EXOC4: variants seen among roughly 807,000 people sequenced by gnomAD.
EXOC4 encodes the protein SEC8-like 1.
In EXOC4, 71 loss-of-function variants were observed where a neutral mutation model predicts 107.2. The observed-to-expected ratio is 0.66, with a 90% CI of 0.55 to 0.81. The LOEUF (loss-of-function observed/expected upper bound fraction) is 0.81. Ranked by LOEUF, EXOC4 falls within the 30% of genes least tolerant of loss-of-function variation. The pLI, the probability that EXOC4 is intolerant of heterozygous loss-of-function variation, is 0.00. For synonymous variants in EXOC4, 456 were observed against 441.2 expected (o/e 1.03, Z -0.42); for missense variants, 1,108 against 1,189.6 (o/e 0.93, Z 1.01).
chr7:133,826,649 A>C (rs1287851581), intron 11 of EXOC4, among the ~76,000 whole-genome samples: 1 of 152,160 alleles, frequency 6.6e-6, no homozygotes, highest in African/African-American at 2.4e-5. Flanking sequence ...TCCATTCAGA[A>C]AAAAAATCCA....
chr7:133,493,204 C>T (rs1009426172), intron 9 of EXOC4, among the ~76,000 whole-genome samples: 2 of 152,156 alleles, frequency 1.3e-5, no homozygotes, highest in African/African-American at 4.8e-5. Context: ...GTGGGTGGAT[C>T]ACCTGAGGTC....
At chr7:133,966,802 T>C (rs2971981) in intron 14 of EXOC4, among the ~76,000 whole-genome samples, 108,773 of 152,038 alleles carry the variant, frequency 0.72, 39,395 homozygotes, top group East Asian at 0.91. Flanking sequence ...GTTGTTATGT[T>C]TCTGTCAGGT....
At chr7:133,514,441 C>A (rs1405522313) in intron 9 of EXOC4, among the ~76,000 whole-genome samples, 1 of 152,084 alleles carries the variant, frequency 6.6e-6, no homozygotes, top group Non-Finnish European at 1.5e-5. Context: ...GGATTACAGG[C>A]GTGAGCCACT....
At chr7:134,018,364 C>G (rs1244047286) in intron 17 of EXOC4, among the ~76,000 whole-genome samples, 1 of 152,172 alleles carries the variant, frequency 6.6e-6, no homozygotes, top group African/African-American at 2.4e-5. Context: ...CCCCTGTAAA[C>G]CACATCATGC....
chr7:133,258,616 A>C (rs1795071388), intron 1 of EXOC4, among the ~76,000 whole-genome samples: 1 of 152,204 alleles, frequency 6.6e-6, no homozygotes, highest in South Asian at 2.1e-4. Context: ...CCTCCTTTCT[A>C]GGATCTGTAG....
At chr7:133,841,728 G>T (rs1798028042) in intron 11 of EXOC4, among the ~76,000 whole-genome samples, 1 of 152,148 alleles carries the variant, frequency 6.6e-6, no homozygotes, top group African/African-American at 2.4e-5. Context: ...ATTGCATGTT[G>T]CAGGGGTTTG....
At chr7:133,569,824 C>G (rs1467764896) in intron 9 of EXOC4, among the ~76,000 whole-genome samples, 1 of 152,130 alleles carries the variant, frequency 6.6e-6, no homozygotes, top group Non-Finnish European at 1.5e-5. Context: ...AGGCTGCTTC[C>G]AGTGAATGTG....
At chr7:133,664,324 G>C (rs1205774013) in intron 10 of EXOC4, among the ~76,000 whole-genome samples, 1 of 152,118 alleles carries the variant, frequency 6.6e-6, no homozygotes, top group East Asian at 1.9e-4. Context: ...CACTTAGAAT[G>C]GTTCCTGACA....
At chr7:133,566,349 A>G (rs1010337633) in intron 9 of EXOC4, among the ~76,000 whole-genome samples, 1 of 152,150 alleles carries the variant, frequency 6.6e-6, no homozygotes, top group African/African-American at 2.4e-5. Flanking sequence ...GTTATTTCTC[A>G]TTTGTGTAGT....
At chr7:133,454,126 T>A (rs1452762811) in intron 7 of EXOC4, among the ~76,000 whole-genome samples, 1 of 152,200 alleles carries the variant, frequency 6.6e-6, no homozygotes, top group Non-Finnish European at 1.5e-5. Context: ...TATTACAGTT[T>A]CACCCCTACT....
chr7:133,669,664 G>T (rs1429726796), intron 10 of EXOC4, among the ~76,000 whole-genome samples: 6 of 152,194 alleles, frequency 3.9e-5, no homozygotes, highest in African/African-American at 1.4e-4. Flanking sequence ...TTAAAAGATA[G>T]AAATTTATAG....
At chr7:133,787,245 C>A (rs2151180008) in intron 10 of EXOC4, among the ~76,000 whole-genome samples, 1 of 142,934 alleles carries the variant, frequency 7.0e-6, no homozygotes, top group South Asian at 2.2e-4. Context: ...TAGCTCACTG[C>A]AGCCTCTAAC....
At chr7:133,989,247 G>T (rs1451809524) in intron 14 of EXOC4, among the ~76,000 whole-genome samples, 1 of 152,188 alleles carries the variant, frequency 6.6e-6, no homozygotes, top group Non-Finnish European at 1.5e-5. Flanking sequence ...ATTCAGGATA[G>T]AGAACAGATG....
rs572486508 is a variant in EXOC4 at position 133,865,682 on chromosome 7, C to T, written c.1735-29917C>T. Among the ~76,000 whole-genome samples, 361 of 152,188 alleles carry T rather than the reference C, an allele frequency of 2.4e-3. 3 individuals are homozygous for T. The highest frequency in any genetic ancestry group is 8.3e-3 in the African/African-American group (344 of 41,512). ...GGAAACTTACAACCATGACAGAAGGCGAAGGGGAAGCAGGCACATCTTACC... is the reference window on the plus strand; with the variant it reads ...GGAAACTTACAACCATGACAGAAGGTGAAGGGGAAGCAGGCACATCTTACC... On this transcript the variant is annotated intron_variant, in intron 11 of 17. Transcript: ENST00000253861.
chr7:133,613,168 A>G (rs1401941674), intron 9 of EXOC4, among the ~76,000 whole-genome samples: 1 of 152,142 alleles, frequency 6.6e-6, no homozygotes, highest in Non-Finnish European at 1.5e-5. Context: ...TAGAAAATAT[A>G]TGACTCTATT....
chr7:133,737,628 T>G (rs1055386350), intron 10 of EXOC4, among the ~76,000 whole-genome samples: 8 of 152,132 alleles, frequency 5.3e-5, no homozygotes, highest in Non-Finnish European at 1.2e-4. Flanking sequence ...AGATGGCTTG[T>G]GGCTGATTGT....
intron 12 of EXOC4, among the ~76,000 whole-genome samples, chr7:133,903,161 A>G (rs1014271239): frequency 8.5e-5 from 13 of 152,328 alleles, no homozygotes; most frequent in African/African-American, 2.6e-4. Flanking sequence ...GAGAGGAGGA[A>G]GGGTATTGAA....
chr7:133,543,461 C>A (rs937032586), intron 9 of EXOC4, among the ~76,000 whole-genome samples: 1 of 151,882 alleles, frequency 6.6e-6, no homozygotes, highest in African/African-American at 2.4e-5. Flanking sequence ...TTTACCTGGT[C>A]TCTTAATTCC....
intron 9 of EXOC4, among the ~76,000 whole-genome samples, chr7:133,554,709 C>T (rs903447557): frequency 5.3e-5 from 8 of 152,270 alleles, no homozygotes; most frequent in Admixed American, 2.0e-4. Context: ...CCCCACCTGA[C>T]CTTTCCTATC....
Sources: allele counts gnomAD v4.1 joint callset (sites outside exome capture counted in the v4.1 genomes callset), GRCh38; gene constraint gnomAD v4.1.1; transcripts MANE v1.5; gene names NCBI Gene and HGNC (gene_info 2026-07-23, HGNC 2026-07-21).